NBPF10: variants seen among roughly 807,000 people sequenced by gnomAD.
NBPF10 encodes the protein NBPF family member NBPF10.
Under a neutral mutation model 77.9 loss-of-function variants are expected in NBPF10, and 63 were observed. The observed-to-expected ratio is 0.81, with a 90% confidence interval of 0.66 to 1.00. The LOEUF is 1.00. Ranked by LOEUF, NBPF10 falls within the 50% of genes least tolerant of loss-of-function variation. The probability of loss-of-function intolerance (pLI) is 0.00; values close to 1 mark genes in which losing one functional copy is unlikely to be tolerated. For synonymous variants in NBPF10, 146 were observed against 264.5 expected, an observed-to-expected ratio of 0.55 and a Z score of 4.35; for missense variants, 522 against 679.8, an observed-to-expected ratio of 0.77 and a Z score of 2.58.
chr1:146,141,924 G>A (rs199840983), intron 2 of NBPF10, 106 bp from the exon 3 acceptor site: 1 of 966,464 alleles, frequency 1.0e-6, no homozygotes, highest in Non-Finnish European at 1.6e-6. Context: ...AGACCTCCAA[G>A]CAGAAGGTCA....
chr1:146,069,710 C>G (rs1553779486), exon 86 of NBPF10: 2 of 805,648 alleles, frequency 2.5e-6, no homozygotes, highest in South Asian at 1.3e-5. Context: ...CAGCTCCCTG[C>G]TGAGCCTGGA....
chr1:146,067,585 T>G (rs1344316107), intron 88 of NBPF10, among the ~76,000 whole-genome samples: 10 of 150,602 alleles, frequency 6.6e-5, no homozygotes, highest in Admixed American at 5.3e-4. Flanking sequence ...GCAAATACCC[T>G]CAATGATTTC....
rs1214695059 is a variant in NBPF10 at position 146,122,595 on chromosome 1, C to G, written c.2477-204G>C. Among the ~76,000 whole-genome samples, 2 of 20,696 alleles carry G rather than the reference C, an allele frequency of 9.7e-5. 1 individual carries two copies. The highest frequency in any genetic ancestry group is 1.8e-4 in the Non-Finnish European group (2 of 10,874). The allele number at this position is 20,696 out of a possible 152,430, so 13.6% of individuals were successfully genotyped here. On this transcript the variant is annotated intron_variant, in intron 18 of 89. Coordinates refer to ENST00000583866, the Ensembl canonical transcript of NBPF10. ...CCCAGAAACTGTGGGTAAAGTGTCC[C>G]TATTCTAGTAGATCGTTATCTCAAT... is the stretch of plus-strand genomic sequence containing the variant.
chr1:146,138,798 T>C (rs1174900008), intron 5 of NBPF10, among the ~76,000 whole-genome samples: 11 of 139,324 alleles, frequency 7.9e-5, no homozygotes, highest in Non-Finnish European at 1.6e-4. Flanking sequence ...TTTTGTTTTT[T>C]GTTTGAGACG....
intron 13 of NBPF10, among the ~76,000 whole-genome samples, chr1:146,126,705 C>T (rs1441131994): frequency 6.1e-5 from 9 of 146,720 alleles, no homozygotes; most frequent in African/African-American, 2.0e-4. Context: ...TATTTGTGCT[C>T]TCAGGACACA....
chr1:146,142,453 A>G (rs1230272106), intron 2 of NBPF10, among the ~76,000 whole-genome samples, 197 bp downstream of exon 2: 1 of 133,486 alleles, frequency 7.5e-6, no homozygotes, highest in East Asian at 2.4e-4. Flanking sequence ...AGAGAAAACA[A>G]GGCTCTAAGA....
intron 7 of NBPF10, among the ~76,000 whole-genome samples, chr1:146,135,776 G>A (rs1659647152): frequency 6.9e-6 from 1 of 144,564 alleles, no homozygotes; most frequent in South Asian, 2.3e-4. Context: ...AAAAGTAGGT[G>A]TCTTCCTAAT....
chr1:146,125,248 C>G (rs1290964199), intron 15 of NBPF10, among the ~76,000 whole-genome samples: 4 of 29,488 alleles, frequency 1.4e-4, no homozygotes, highest in South Asian at 1.1e-3. Context: ...GCCATACAGC[C>G]TTTGAGGTAT....
exon 86 of NBPF10, chr1:146,069,630 G>A (rs4126496): frequency 2.0e-6 from 3 of 1,534,844 alleles, no homozygotes; most frequent in African/African-American, 3.1e-5. Flanking sequence ...CACAGTTCAA[G>A]ACAACCTGAA....
chr1:146,123,904 G>C (rs1266225458), intron 17 of NBPF10, 23 bp downstream of exon 17: 1 of 333,776 alleles, frequency 3.0e-6, no homozygotes, highest in Non-Finnish European at 5.0e-6. Flanking sequence ...CACAGAAGTA[G>C]CTGTTCACAA....
chr1:146,125,998 A>C (rs1283725452), intron 14 of NBPF10, among the ~76,000 whole-genome samples: 3 of 151,708 alleles, frequency 2.0e-5, no homozygotes, highest in Admixed American at 6.6e-5. Context: ...CAACATCTTG[A>C]GAGTAGGATT....
chr1:146,081,041 A>G, intron 71 of NBPF10, among the ~76,000 whole-genome samples: 1 of 64,070 alleles, frequency 1.6e-5, no homozygotes, highest in Non-Finnish European at 4.8e-5. Flanking sequence ...AGAGAGAGAG[A>G]GAGAGAACGA....
rs781935434 is a variant in NBPF10, at chr1:146,067,169, C to G, written c.11144+11G>C. ...ACACAGAACTAAGGATCCACAATTGCTGAAAGTCACCTGGGGCATGGTGGG... is the reference window on the plus strand; with the variant it reads ...ACACAGAACTAAGGATCCACAATTGGTGAAAGTCACCTGGGGCATGGTGGG... On this transcript the variant is annotated intron_variant, in intron 89 of 89. Transcript: ENST00000583866. 9.7e-6 allele frequency: 6 copies of G among 618,780 alleles called. 1 individual carries two copies. The highest frequency in any genetic ancestry group is 1.2e-5 in the Non-Finnish European group (4 of 332,644). 38.3% of individuals were successfully genotyped at this position (618,780 alleles called of 1,614,324 possible).
At chr1:146,109,311 GAC>G (rs1203658432) in intron 35 of NBPF10, among the ~76,000 whole-genome samples, 197 bp from the exon 36 acceptor site, 7,990 of 82,234 alleles carry the variant, frequency 0.097, 15 homozygotes, top group East Asian at 0.2. Context: ...AAGACAGATA[GAC>G]ACACACACAC....
chr1:146,081,028 CACAGAGAGAGAG>C (rs1656266099), intron 71 of NBPF10, among the ~76,000 whole-genome samples: 1 of 63,198 alleles, frequency 1.6e-5, no homozygotes, highest in African/African-American at 4.1e-5. Context: ...CACACACACA[CACAGAGAGAGAG>C]AGAGAGAACG....
intron 4 of NBPF10, among the ~76,000 whole-genome samples, chr1:146,140,249 T>C (rs1553796873): frequency 8.0e-6 from 1 of 124,736 alleles, no homozygotes; most frequent in African/African-American, 2.6e-5. Flanking sequence ...ACTGAACAGA[T>C]AGGAGCTGAG....
At chr1:146,071,488 G>A (rs1553779750) in intron 83 of NBPF10, among the ~76,000 whole-genome samples, 169 bp from the exon 84 acceptor site, 1 of 9,020 alleles carries the variant, frequency 1.1e-4, no homozygotes, top group Admixed American at 1.4e-3. Flanking sequence ...AGGGCCAAAT[G>A]GAAAAGAATG....
At chr1:146,138,880 G>A (rs1378547611) in intron 5 of NBPF10, among the ~76,000 whole-genome samples, 4 of 144,302 alleles carry the variant, frequency 2.8e-5, no homozygotes, top group Admixed American at 1.4e-4. Context: ...TGCCGCCCGG[G>A]TTCAAGCGAT....
rs1250422065 is a variant in NBPF10 at position 146,126,418 on chromosome 1, T to G, written c.1854-10A>C. ...CAGCTCCCTGCTGAGCGTGGAAAAG[T>G]AGGAAAAAGTAAAGAATAAGCCAGG... On this transcript the variant is annotated splice_polypyrimidine_tract_variant and intron_variant, in intron 13 of 89. Coordinates refer to ENST00000583866, the Ensembl canonical transcript of NBPF10. 18 of 1,134,420 alleles carry G rather than the reference T, an allele frequency of 1.6e-5. No homozygotes were observed. The highest frequency in any genetic ancestry group is 4.9e-5 in the African/African-American group (3 of 61,518). The allele number at this position is 1,134,420 out of a possible 1,614,324, so 70.3% of individuals were successfully genotyped here.
Sources: gnomAD v4.1 joint callset for allele counts (sites outside exome capture counted in the v4.1 genomes callset) on GRCh38, gnomAD v4.1.1 for gene constraint, MANE v1.5 for transcripts, NCBI Gene and HGNC (gene_info 2026-07-23, HGNC 2026-07-21) for gene names.